The following CSMD2 variants were observed in gnomAD, a reference collection of about 807,000 sequenced individuals.
CSMD2 encodes CUB and sushi domain-containing protein 2.
Under a neutral mutation model 398.5 loss-of-function variants are expected in CSMD2, and 130 were observed. The ratio of observed to expected loss-of-function variants is 0.33; its 90% CI spans 0.28 to 0.38. The LOEUF (loss-of-function observed/expected upper bound fraction) is 0.38, where lower values mean the gene tolerates loss of function less well. CSMD2 is among the 10% of genes least tolerant of loss of function. CSMD2 has a pLI of 1.00. For synonymous variants in CSMD2, 1,828 were observed against 1,908.5 expected, an observed-to-expected ratio of 0.96 and a Z score of 1.10; for missense variants, 3,829 against 4,764.9, an observed-to-expected ratio of 0.80 and a Z score of 5.78.
chr1:33,620,533 G>GT (rs1448094276), intron 37 of CSMD2, among the ~76,000 whole-genome samples: 1 of 152,140 alleles, frequency 6.6e-6, no homozygotes, highest in East Asian at 1.9e-4. Flanking sequence ...TGAGGCAGTA[G>GT]AATGGCAAAG....
chr1:33,587,024 C>A lies in CSMD2; in HGVS notation c.6937+64G>T, dbSNP rs1013041223. ...AGGTCCACTGGCCCGACAGCTCCCCCCGCCACCTTCCCTTCCTTCCCCAGT... is the reference window on the plus strand; with the variant it reads ...AGGTCCACTGGCCCGACAGCTCCCCACGCCACCTTCCCTTCCTTCCCCAGT... On this transcript the variant is annotated intron_variant, in intron 45 of 70. Coordinates refer to ENST00000373381, the MANE Select transcript of CSMD2 (RefSeq NM_001281956.2). The A allele has an allele frequency of 8.2e-6, 11 of 1,336,252 alleles. No homozygotes were observed. In the Admixed American group the frequency reaches 8.4e-5, roughly 10 times the overall value. The allele number at this position is 1,336,252 out of a possible 1,614,324, so 82.8% of individuals were successfully genotyped here. A position where few individuals can be genotyped will look rare whatever the true frequency, so the allele number is the denominator to read the frequency against.
intron 2 of CSMD2, 43 bp downstream of exon 2, chr1:34,088,934 A>G: frequency 6.6e-7 from 1 of 1,519,764 alleles, no homozygotes; most frequent in South Asian, 1.1e-5. Flanking sequence ...AGCTTGGCTC[A>G]TAGCCCAGCT....
At chr1:33,653,936 G>T (rs1277091199) in intron 27 of CSMD2, among the ~76,000 whole-genome samples, 1 of 152,186 alleles carries the variant, frequency 6.6e-6, no homozygotes, top group South Asian at 2.1e-4. Flanking sequence ...GCAGCCTTTG[G>T]CTTGTCATAG....
chr1:34,009,076 G>C (rs1024461465), intron 3 of CSMD2, among the ~76,000 whole-genome samples: 1 of 151,912 alleles, frequency 6.6e-6, no homozygotes, highest in Non-Finnish European at 1.5e-5. Flanking sequence ...TAACCACTTG[G>C]AGCCAGCTGC....
At chr1:34,071,763 T>C (rs570421518) in intron 2 of CSMD2, among the ~76,000 whole-genome samples, 2 of 152,336 alleles carry the variant, frequency 1.3e-5, no homozygotes, top group South Asian at 2.1e-4. Flanking sequence ...TAACGTGCCA[T>C]TGGAAAATAA....
chr1:34,157,620 C>A (rs1293083305), intron 1 of CSMD2, among the ~76,000 whole-genome samples: 7 of 151,126 alleles, frequency 4.6e-5, no homozygotes. Flanking sequence ...CCTCACCCCC[C>A]ATCCCAGTCA....
At chr1:33,956,070 A>T (rs959481000) in intron 3 of CSMD2, among the ~76,000 whole-genome samples, 1 of 152,158 alleles carries the variant, frequency 6.6e-6, no homozygotes, top group African/African-American at 2.4e-5. Context: ...CCTTTTACCA[A>T]CTATGAGATC....
In CSMD2 at chr1:33,652,446, T is replaced by C; in HGVS notation, c.4463A>G (p.Asp1488Gly). 1.2e-6 allele frequency: 2 copies of C among 1,613,976 alleles called. No individual in the cohort carries two copies. Among genetic ancestry groups the C allele is most frequent in the East Asian group, 2.2e-5 (1 of 44,862 alleles). ...GATGACTCCAGATGGTCCTGTCAGG[T>C]CTCCCCCGCAGGGAGCTGAGGAGAG... ...PPTCIAPCGG[D>G]LTGPSGVILS... is the part of the protein sequence containing the mutation. Residue 1488 changes from aspartate to glycine, a missense_variant, in exon 28 of 71, where the codon GAC becomes GGC. By Grantham distance (94) the Asp-to-Gly change is moderately conservative. Transcript: ENST00000373381.
intron 25 of CSMD2, among the ~76,000 whole-genome samples, chr1:33,668,397 G>T (rs1044043673): frequency 1.3e-5 from 2 of 152,198 alleles, no homozygotes; most frequent in African/African-American, 4.8e-5. Context: ...TTAGCTAGGG[G>T]CTGCCACAGG....
chr1:33,609,918 G>C (rs1640882662), intron 41 of CSMD2, among the ~76,000 whole-genome samples: 1 of 152,162 alleles, frequency 6.6e-6, no homozygotes, highest in African/African-American at 2.4e-5. Flanking sequence ...CTCATGTGAG[G>C]GTATTTGGAG....
At chr1:33,712,991 G>A (rs771126590) in intron 21 of CSMD2, among the ~76,000 whole-genome samples, 2 of 152,138 alleles carry the variant, frequency 1.3e-5, no homozygotes, top group African/African-American at 2.4e-5. Flanking sequence ...AACAATAATT[G>A]GTTATTGATA....
intron 5 of CSMD2, among the ~76,000 whole-genome samples, chr1:33,858,567 GATC>G (rs1639263548): frequency 6.6e-6 from 1 of 152,176 alleles, no homozygotes; most frequent in Non-Finnish European, 1.5e-5. Flanking sequence ...CCCAAAGTAT[GATC>G]ATCATTTTTA....
chr1:33,688,359 A>G (rs1185725877), intron 25 of CSMD2, among the ~76,000 whole-genome samples: 1 of 152,248 alleles, frequency 6.6e-6, no homozygotes, highest in Non-Finnish European at 1.5e-5. Flanking sequence ...CATGTGCATT[A>G]CATTTGCTTT....
At chr1:34,158,034 C>T (rs1640962274) in intron 1 of CSMD2, among the ~76,000 whole-genome samples, 1 of 152,154 alleles carries the variant, frequency 6.6e-6, no homozygotes, top group Admixed American at 6.5e-5. Context: ...GATAAAGAAT[C>T]TCATTTTTAG....
chr1:33,725,733 C>T (rs1646508865), intron 16 of CSMD2, among the ~76,000 whole-genome samples, 197 bp from the exon 17 acceptor site: 1 of 152,112 alleles, frequency 6.6e-6, no homozygotes, highest in Non-Finnish European at 1.5e-5. Flanking sequence ...CCTCCTCCTT[C>T]CATGGTTGGA....
intron 3 of CSMD2, among the ~76,000 whole-genome samples, chr1:34,030,622 C>A (rs1558272701): frequency 6.6e-6 from 1 of 152,240 alleles, no homozygotes; most frequent in Non-Finnish European, 1.5e-5. Context: ...GTGACAGTGT[C>A]TGTTTTCACG....
chr1:33,921,048 T>G (rs1643920459), intron 4 of CSMD2, among the ~76,000 whole-genome samples: 2 of 152,090 alleles, frequency 1.3e-5, no homozygotes, highest in Non-Finnish European at 2.9e-5. Flanking sequence ...GAAAGGGACA[T>G]GCAGAGATGA....
chr1:33,593,040 T>C (rs1639580174), intron 44 of CSMD2, among the ~76,000 whole-genome samples: 1 of 152,106 alleles, frequency 6.6e-6, no homozygotes, highest in South Asian at 2.1e-4. Flanking sequence ...GCCACACAAA[T>C]GTCCATAGAG....
intron 5 of CSMD2, among the ~76,000 whole-genome samples, chr1:33,847,498 C>T (rs1479179431): frequency 6.6e-6 from 1 of 151,776 alleles, no homozygotes; most frequent in Non-Finnish European, 1.5e-5. Context: ...TGTTACTTAA[C>T]CTTTTGGAGA....
Sources: allele counts gnomAD v4.1 joint callset (sites outside exome capture counted in the v4.1 genomes callset), GRCh38; gene constraint gnomAD v4.1.1; transcripts MANE v1.5; gene names NCBI Gene and HGNC (gene_info 2026-07-23, HGNC 2026-07-21).